The following DTNA variants were observed in gnomAD, a reference collection of about 807,000 sequenced individuals.
The protein encoded by DTNA is dystrophin-related protein 3.
In DTNA, 43 loss-of-function variants were observed where a neutral mutation model predicts 100.7. The ratio of observed to expected loss-of-function variants is 0.43; its 90% CI spans 0.33 to 0.55. The LOEUF is 0.55. DTNA is among the 20% of genes least tolerant of loss of function. The pLI is 0.04. For missense variants in DTNA, 798 were observed against 953.9 expected, an observed-to-expected ratio of 0.84 and a Z score of 2.15; for synonymous variants, 349 against 347.9, an observed-to-expected ratio of 1.00 and a Z score of -0.04.
At chr18:34,779,297 A>T (rs892309695) in intron 3 of DTNA, among the ~76,000 whole-genome samples, 1 of 152,202 alleles carries the variant, frequency 6.6e-6, no homozygotes, top group African/African-American at 2.4e-5. Context: ...TCATGTGCAG[A>T]TGGGTTCATA....
chr18:34,866,237 G>A (rs957761960), intron 17 of DTNA: 138 of 1,605,998 alleles, frequency 8.6e-5, no homozygotes, highest in Non-Finnish European at 1.1e-4. Context: ...CTTCAGTTTG[G>A]AAAGAGAAAA....
At chr18:34,579,042 A>T (rs970215477) in intron 1 of DTNA, among the ~76,000 whole-genome samples, 2 of 152,132 alleles carry the variant, frequency 1.3e-5, no homozygotes, top group African/African-American at 2.4e-5. Flanking sequence ...GATGTTTTCT[A>T]CTACACCTCA....
At chr18:34,721,991 C>T (rs1475133504) in intron 1 of DTNA, among the ~76,000 whole-genome samples, 1 of 152,196 alleles carries the variant, frequency 6.6e-6, no homozygotes, top group Non-Finnish European at 1.5e-5. Flanking sequence ...TAAAGTGAAG[C>T]TCCTTACTTC....
chr18:34,818,640 C>T, intron 8 of DTNA: 1 of 1,167,904 alleles, frequency 8.6e-7, no homozygotes, highest in Non-Finnish European at 1.1e-6. Flanking sequence ...CATAATCTTA[C>T]ATTCACAGTA....
chr18:34,606,891 C>T (rs1391858674), intron 1 of DTNA, among the ~76,000 whole-genome samples: 2 of 152,084 alleles, frequency 1.3e-5, no homozygotes, highest in East Asian at 1.9e-4. Flanking sequence ...GATATCCAGA[C>T]ATGGAAGGGT....
At chr18:34,639,850 G>A (rs572869879) in intron 1 of DTNA, among the ~76,000 whole-genome samples, 60 of 152,340 alleles carry the variant, frequency 3.9e-4, no homozygotes, top group African/African-American at 1.3e-3. Flanking sequence ...AAGAGGGACT[G>A]CAAGCTCAGC....
intron 1 of DTNA, among the ~76,000 whole-genome samples, 183 bp from the exon 2 acceptor site, chr18:34,755,793 T>C (rs1194477732): frequency 6.6e-6 from 1 of 152,184 alleles, no homozygotes; most frequent in African/African-American, 2.4e-5. Flanking sequence ...CAATAATATA[T>C]ATGGAAAAAT....
chr18:34,835,283 G>C (rs961386216), intron 11 of DTNA, among the ~76,000 whole-genome samples: 1 of 152,214 alleles, frequency 6.6e-6, no homozygotes, highest in African/African-American at 2.4e-5. Flanking sequence ...AGAAACTCAT[G>C]TATGTTCACG....
intron 1 of DTNA, among the ~76,000 whole-genome samples, chr18:34,735,311 A>T (rs758763407): frequency 6.6e-6 from 1 of 152,112 alleles, no homozygotes; most frequent in Non-Finnish European, 1.5e-5. Context: ...TCCCCAGCCC[A>T]CTGACTCAAA....
intron 1 of DTNA, among the ~76,000 whole-genome samples, chr18:34,742,493 T>C (rs1026809): frequency 0.11 from 16,295 of 152,000 alleles, 1,228 homozygotes; most frequent in African/African-American, 0.21. Flanking sequence ...AATAATTGCA[T>C]TGGGCCCACC....
chr18:34,617,785 T>A (rs762720552), intron 1 of DTNA, among the ~76,000 whole-genome samples: 1 of 152,188 alleles, frequency 6.6e-6, no homozygotes, highest in Non-Finnish European at 1.5e-5. Context: ...TTTTTAGACA[T>A]AATGCTATTG....
chr18:34,868,778 T>C (rs1276094332), intron 17 of DTNA: 17 of 984,840 alleles, frequency 1.7e-5, no homozygotes, highest in Non-Finnish European at 1.9e-5. Flanking sequence ...GATTATGATA[T>C]CACAAGCAAT....
At chr18:34,826,468 T>C (rs757680457) in intron 9 of DTNA, among the ~76,000 whole-genome samples, 50 of 152,140 alleles carry the variant, frequency 3.3e-4, no homozygotes, top group Non-Finnish European at 6.2e-4. Flanking sequence ...ATTCAATACA[T>C]TGGGATATGC....
chr18:34,528,473 A>G (rs1438714142), intron 1 of DTNA, among the ~76,000 whole-genome samples: 2 of 152,116 alleles, frequency 1.3e-5, no homozygotes, highest in African/African-American at 2.4e-5. Context: ...CACCTTCAGC[A>G]ATGCATATAT....
At chr18:34,517,460 C>CATGTGTGTGTGTGTGTGTGTGTGTGT (rs57616989) in intron 1 of DTNA, among the ~76,000 whole-genome samples, 15 of 149,000 alleles carry the variant, frequency 1.0e-4, no homozygotes, top group Admixed American at 8.8e-4. Context: ...TTTATATACA[C>CATGTGTGTGTGTGTGTGTGTGTGTGT]GTGTGTGTGT....
intron 1 of DTNA, among the ~76,000 whole-genome samples, chr18:34,606,734 A>G (rs1290260363): frequency 6.6e-6 from 1 of 152,184 alleles, no homozygotes; most frequent in Non-Finnish European, 1.5e-5. Flanking sequence ...ATAAGGAAAG[A>G]TGGGAAGGGC....
chr18:34,687,333 A>G (rs1417737519), intron 1 of DTNA, among the ~76,000 whole-genome samples: 2 of 152,168 alleles, frequency 1.3e-5, no homozygotes, highest in Non-Finnish European at 2.9e-5. Context: ...AGATTCTGGT[A>G]CATTCTGTCT....
At chr18:34,785,701 A>G (rs2094484823) in intron 3 of DTNA, among the ~76,000 whole-genome samples, 2 of 152,188 alleles carry the variant, frequency 1.3e-5, no homozygotes, top group Non-Finnish European at 1.5e-5. Flanking sequence ...TACAATTTTT[A>G]TATGCCAATT....
intron 4 of DTNA, among the ~76,000 whole-genome samples, chr18:34,799,442 C>T (rs1029666570): frequency 6.6e-6 from 1 of 151,878 alleles, no homozygotes; most frequent in Non-Finnish European, 1.5e-5. Context: ...TTTCTCTGCA[C>T]CAAAAAAAGT....
Sources: gnomAD v4.1 joint callset for allele counts (sites outside exome capture counted in the v4.1 genomes callset) on GRCh38, gnomAD v4.1.1 for gene constraint, MANE v1.5 for transcripts, NCBI Gene and HGNC (gene_info 2026-07-23, HGNC 2026-07-21) for gene names.